The following SREBF2 variants were observed in gnomAD, a reference collection of about 807,000 sequenced individuals.
SREBF2 encodes sterol regulatory element binding transcription factor 2, also known as sterol regulatory element-binding protein 2.
In SREBF2, 55 loss-of-function variants were observed where a neutral mutation model predicts 113.1. The ratio of observed to expected loss-of-function variants is 0.49; its 90% CI spans 0.39 to 0.61. The LOEUF (loss-of-function observed/expected upper bound fraction) is 0.61, where lower values mean the gene tolerates loss of function less well. Among genes scored for constraint, SREBF2 ranks in the 20% least tolerant of loss-of-function variants. The pLI is 0.00. For synonymous variants in SREBF2, 593 were observed against 605.7 expected (o/e 0.98, Z 0.31); for missense variants, 1,349 against 1,487.4 (o/e 0.91, Z 1.53).
intron 13 of SREBF2, among the ~76,000 whole-genome samples, chr22:41,896,164 G>A (rs1317266079): frequency 2.6e-5 from 4 of 151,616 alleles, no homozygotes; most frequent in African/African-American, 9.7e-5. Context: ...GAAAGGGGAT[G>A]GGAATGAAAT....
intron 10 of SREBF2, among the ~76,000 whole-genome samples, chr22:41,883,678 C>T (rs983622561): frequency 2.6e-5 from 4 of 152,156 alleles, no homozygotes; most frequent in Non-Finnish European, 5.9e-5. Context: ...TCCTGTGTCT[C>T]CTGCAGGAGG....
chr22:41,903,785 C>T (rs2077483706), intron 17 of SREBF2, among the ~76,000 whole-genome samples: 1 of 152,208 alleles, frequency 6.6e-6, no homozygotes, highest in Non-Finnish European at 1.5e-5. Context: ...TGGAAGAAGG[C>T]CTCAGAGCGA....
At position 41,898,179 on chromosome 22, in the gene SREBF2, C is replaced by G. The variant is rs568628065; in HGVS notation, c.2606-470C>G. Among the ~76,000 whole-genome samples the G allele has an allele frequency of 2.6e-5, 4 of 152,242 alleles. No homozygotes were observed. The South Asian group carries it at 8.3e-4, about 32-fold the overall frequency. On this transcript the variant is annotated intron_variant, in intron 14 of 18. Transcript: ENST00000361204. ...AGGCTGGAGTGCAATGGCACGATCT[C>G]GGCTCACTGCAACCTCCGCCCGCAC...
chr22:41,902,559 A>G (rs952415969), intron 16 of SREBF2, among the ~76,000 whole-genome samples: 1 of 151,916 alleles, frequency 6.6e-6, no homozygotes. Flanking sequence ...CTCTGCTGCC[A>G]CTTCAGGCTT....
In SREBF2 at chr22:41,894,831, G is replaced by A. The variant is rs1472486027; in HGVS notation, c.2389G>A (p.Ala797Thr). 2 of 1,614,012 alleles carry A rather than the reference G, an allele frequency of 1.2e-6. No homozygotes were observed. The highest frequency in any genetic ancestry group is 1.7e-6 in the Non-Finnish European group (2 of 1,180,020). Residue 797 changes from alanine (A) to threonine (T), a missense_variant, in exon 13 of 19, where the codon GCG (alanine) becomes ACG (threonine). Ala to Thr is a moderately conservative substitution (Grantham distance 58). Around this residue, in one of 2 missense-constraint regions of SREBF2, gnomAD observed 650 missense variants for 644.1 expected, o/e 1.01. Coordinates refer to ENST00000361204, the MANE Select transcript of SREBF2 (RefSeq NM_004599.4). ...CAQRNPADPIAQVHQAFCKNL... is the reference protein window; with the variant it reads ...CAQRNPADPITQVHQAFCKNL... Reference sequence around the variant, plus strand: ...TGTCTCTTTTCCAGCTGACCCCATTGCGCAGGTCCACCAGGCCTTCTGCAA... The same window carrying A: ...TGTCTCTTTTCCAGCTGACCCCATTACGCAGGTCCACCAGGCCTTCTGCAA...
intron 3 of SREBF2, among the ~76,000 whole-genome samples, chr22:41,870,304 C>G (rs970535471): frequency 3.3e-5 from 5 of 152,176 alleles, no homozygotes; most frequent in African/African-American, 1.2e-4. Flanking sequence ...ACTGGCACCA[C>G]CCTCTTGAAA....
chr22:41,867,533 G>A (rs760896403), intron 2 of SREBF2, among the ~76,000 whole-genome samples: 12 of 152,076 alleles, frequency 7.9e-5, no homozygotes, highest in South Asian at 2.1e-4. Flanking sequence ...GCGGCCGGGC[G>A]CGGTGGCTCA....
chr22:41,898,260 C>G (rs1009428616), intron 14 of SREBF2, among the ~76,000 whole-genome samples: 5 of 152,066 alleles, frequency 3.3e-5, no homozygotes, highest in East Asian at 3.9e-4. Context: ...ATTACAGTCA[C>G]CCGCCACCAT....
At chr22:41,841,147 G>C (rs778849159) in intron 1 of SREBF2, among the ~76,000 whole-genome samples, 1 of 152,104 alleles carries the variant, frequency 6.6e-6, no homozygotes, top group Non-Finnish European at 1.5e-5. Flanking sequence ...GGATGGTTGT[G>C]GTCAGCACAC....
intron 1 of SREBF2, among the ~76,000 whole-genome samples, chr22:41,856,255 T>G (rs1157299426): frequency 1.3e-5 from 2 of 151,970 alleles, no homozygotes; most frequent in African/African-American, 4.8e-5. Flanking sequence ...GCCTGCCGAG[T>G]AGCTGGGCCT....
intron 10 of SREBF2, among the ~76,000 whole-genome samples, chr22:41,883,331 C>T (rs536241377): frequency 1.1e-4 from 17 of 152,258 alleles, no homozygotes; most frequent in African/African-American, 3.9e-4. Context: ...GGAACAGAGC[C>T]AGGCAAGTGA....
chr22:41,875,251 C>A, intron 5 of SREBF2, 86 bp from the exon 6 acceptor site: 2 of 1,110,168 alleles, frequency 1.8e-6, no homozygotes, highest in Non-Finnish European at 2.7e-6. Context: ...CAGAGCCATG[C>A]TGTCATCCCA....
chr22:41,875,259 C>G, intron 5 of SREBF2, 78 bp from the exon 6 acceptor site: 1 of 1,232,740 alleles, frequency 8.1e-7, no homozygotes, highest in Admixed American at 1.9e-5. Flanking sequence ...TGCTGTCATC[C>G]CAAGTGCTAG....
chr22:41,868,606 C>T lies in SREBF2; in HGVS notation c.539-5C>T, dbSNP rs2077109359. On this transcript the variant is annotated splice_polypyrimidine_tract_variant and splice_region_variant and intron_variant, in intron 2 of 18. Coordinates refer to ENST00000361204, the MANE Select transcript of SREBF2 (RefSeq NM_004599.4). The stretch of plus-strand genomic sequence containing the variant: ...TCTGTGCCTTCTTTCTCCTCTTCTC[C>T]CAAGTCCTTCAGCCTCAAGTCCAAA... 1.9e-6 allele frequency: 3 copies of T among 1,614,080 alleles called. No individual in the cohort carries two copies. Among genetic ancestry groups the T allele is most frequent in the Admixed American group, 3.3e-5 (2 of 60,004 alleles).
chr22:41,878,611 GT>G, intron 9 of SREBF2: 1 of 1,223,792 alleles, frequency 8.2e-7, no homozygotes, highest in Non-Finnish European at 1.1e-6. Flanking sequence ...ACCAGGAAAG[GT>G]TTTTGAGCAG....
chr22:41,884,794 T>G (rs2077283891), intron 10 of SREBF2, 48 bp from the exon 11 acceptor site: 1 of 1,610,392 alleles, frequency 6.2e-7, no homozygotes, highest in Non-Finnish European at 8.5e-7. Context: ...GGAAAAAGTT[T>G]GGTTTTGGGG....
chr22:41,871,973 G>A (rs1014222570), intron 4 of SREBF2, among the ~76,000 whole-genome samples: 4 of 150,132 alleles, frequency 2.7e-5, no homozygotes, highest in South Asian at 2.1e-4. Flanking sequence ...TCAAGCCACC[G>A]GGCGCAGTGG....
rs1569414616 is a variant in SREBF2, at chr22:41,905,967, T to C, written c.*307T>C. The C allele has an allele frequency of 1.7e-6, 1 of 601,428 alleles. No individual in the cohort carries two copies. The highest frequency in any genetic ancestry group is 3.1e-6 in the Non-Finnish European group (1 of 320,590). The allele number at this position is 601,428 out of a possible 1,614,324, so 37.3% of individuals were successfully genotyped here. On this transcript the variant is annotated 3_prime_UTR_variant, in exon 19 of 19. Transcript: ENST00000361204. ...GCCCCTGCCTCCAGCCTTCCTGAGT[T>C]TCTCTCTCCTGAACCCTACTCTCTC...
chr22:41,904,971 C>G lies in SREBF2; in HGVS notation c.3202C>G (p.His1068Asp). ...GCGGCGCACCACGCAGAGCACCAAG[C>G]ACGGTGAGTCCACCCCTCCCCAGCT... ...LRRRTTQSTK[H>D]GEVDAWPGQR... The change falls in exon 18 of 19, where the codon CAC (histidine) becomes GAC (aspartate). Residue 1068 changes from histidine (H) to aspartate (D), a missense_variant. Around this residue, in one of 2 missense-constraint regions of SREBF2, gnomAD observed 650 missense variants for 644.1 expected, o/e 1.01. Transcript: ENST00000361204. 6.3e-7 allele frequency: 1 copy of G among 1,589,914 alleles called. No homozygotes were observed. Among genetic ancestry groups the G allele is most frequent in the Non-Finnish European group, 8.5e-7 (1 of 1,173,312 alleles).
Sources: gnomAD v4.1 joint callset for allele counts (sites outside exome capture counted in the v4.1 genomes callset) on GRCh38, gnomAD v4.1.1 for gene constraint, gnomAD v4.1.1 regional missense constraint, MANE v1.5 for transcripts, NCBI Gene and HGNC (gene_info 2026-07-23, HGNC 2026-07-21) for gene names.